Variants in NCOA6 observed in about 807,000 individuals in gnomAD.
The protein encoded by NCOA6 is NRC RAP250.
A neutral mutation model predicts 171.4 loss-of-function variants in NCOA6; 49 were observed. The observed-to-expected ratio is 0.29, with a 90% CI of 0.23 to 0.36. The LOEUF is 0.36. NCOA6 is among the 10% of genes least tolerant of loss of function. NCOA6 has a pLI of 1.00. For missense variants in NCOA6, 2,248 were observed against 2,554.5 expected, an observed-to-expected ratio of 0.88 and a Z score of 2.59; for synonymous variants, 910 against 927.5, an observed-to-expected ratio of 0.98 and a Z score of 0.34.
In NCOA6 at chr20:34,715,266, T is replaced by C. The variant is rs1242137075; in HGVS notation, c.*56A>G. ...GATTTAAAAAAGTCACAGCTCAAAA[T>C]TGCTCTTTGTAAAAGTCACACACAT... On this transcript the variant is annotated 3_prime_UTR_variant, in exon 15 of 15. Transcript: ENST00000359003. The C allele has an allele frequency of 3.7e-6, 6 of 1,611,444 alleles. No individual in the cohort carries two copies. In the African/African-American group the frequency reaches 4.0e-5, roughly 11 times the overall value.
intron 5 of NCOA6, 129 bp downstream of exon 5, chr20:34,768,335 T>C (rs896762305): frequency 4.8e-6 from 6 of 1,248,248 alleles, no homozygotes; most frequent in Non-Finnish European, 5.6e-6. Flanking sequence ...CATGTCTAGC[T>C]TTCCTGATTC....
At chr20:34,753,490 G>A (rs992738828) in intron 8 of NCOA6, among the ~76,000 whole-genome samples, 2 of 151,642 alleles carry the variant, frequency 1.3e-5, no homozygotes, top group Non-Finnish European at 2.9e-5. Flanking sequence ...GTCAAATCCC[G>A]TCTCTACTAA....
In NCOA6 at chr20:34,758,188, CA is replaced by C. The variant is rs1241025692; in HGVS notation, c.644-85del. ...AGTGGCCTTTGTAATTCTGGATATA[CA>C]GAGCAAAATCTGCTGGTACTATTCG... On this transcript the variant is annotated intron_variant, in intron 6 of 14. Transcript: ENST00000359003. 8 of 1,502,502 alleles carry C rather than the reference CA, an allele frequency of 5.3e-6. No homozygotes were observed. In the Admixed American group the frequency reaches 1.8e-4, roughly 33 times the overall value. The allele number at this position is 1,502,502 out of a possible 1,614,324, so 93.1% of individuals were successfully genotyped here.
In NCOA6 at chr20:34,750,107, G is replaced by A. The variant is rs937905853; in HGVS notation, c.2088C>T (p.Asn696=). 4 of 1,614,076 alleles carry A rather than the reference G, an allele frequency of 2.5e-6. No individual in the cohort carries two copies. In the African/African-American group the frequency reaches 5.3e-5, roughly 22 times the overall value. The change falls in exon 9 of 15, where the codon AAC becomes AAT. Residue 696 remains asparagine, a synonymous_variant. Coordinates refer to ENST00000359003, the MANE Select transcript of NCOA6 (RefSeq NM_014071.5). ...QQGPQMMAPH[N]QMMGPQGQVL... ...CCTGCCCCTGAGGCCCCATCATCTG[G>A]TTATGTGGCGCCATCATTTGTGGGC...
intron 14 of NCOA6, among the ~76,000 whole-genome samples, chr20:34,716,064 C>T (rs946601902): frequency 5.3e-5 from 8 of 151,874 alleles, no homozygotes; most frequent in South Asian, 4.2e-4. Flanking sequence ...TAAAAATACA[C>T]GAAAAACTAG....
At chr20:34,770,914 G>A (rs541489868) in intron 4 of NCOA6, among the ~76,000 whole-genome samples, 177 of 152,224 alleles carry the variant, frequency 1.2e-3, no homozygotes, top group African/African-American at 3.9e-3. Context: ...ACAGGCATGA[G>A]CCACCGTGCC....
chr20:34,746,974 T>G (rs2076325563), intron 9 of NCOA6, 46 bp from the exon 10 acceptor site: 1 of 1,448,332 alleles, frequency 6.9e-7, no homozygotes, highest in Non-Finnish European at 9.2e-7. Flanking sequence ...TAGAATAAGT[T>G]GTATAGAAAA....
At chr20:34,783,970 G>A (rs930433498) in intron 2 of NCOA6, among the ~76,000 whole-genome samples, 19 of 147,030 alleles carry the variant, frequency 1.3e-4, no homozygotes, top group African/African-American at 4.5e-4. Flanking sequence ...TTTATTTATG[G>A]CACTTATTTA....
At chr20:34,804,673 A>G (rs1313022852) in intron 1 of NCOA6, among the ~76,000 whole-genome samples, 1 of 152,068 alleles carries the variant, frequency 6.6e-6, no homozygotes, top group African/African-American at 2.4e-5. Context: ...AATATATAAA[A>G]CATGTTACTT....
At chr20:34,796,003 A>ATT (rs569229378) in intron 1 of NCOA6, among the ~76,000 whole-genome samples, 1,150 of 95,656 alleles carry the variant, frequency 0.012, 2 homozygotes, top group East Asian at 0.017. Flanking sequence ...ATATGTTTGA[A>ATT]TTTTTTTTTT....
chr20:34,782,278 C>A lies in NCOA6; in HGVS notation c.78G>T (p.Met26Ile). 1 of 1,612,826 alleles carries A rather than the reference C, an allele frequency of 6.2e-7. No homozygotes were observed. The highest frequency in any genetic ancestry group is 1.1e-5 in the South Asian group (1 of 90,954). The change falls in exon 3 of 15, where the codon ATG (methionine) becomes ATT (isoleucine). Residue 26 changes from methionine (M) to isoleucine (I), a missense_variant. By Grantham distance (10) the Met-to-Ile change is conservative (BLOSUM62 1). Around this residue, in one of 7 missense-constraint regions of NCOA6, gnomAD observed 987 missense variants for 1,104.7 expected, o/e 0.89. Coordinates refer to ENST00000359003, the MANE Select transcript of NCOA6 (RefSeq NM_014071.5). The stretch of plus-strand genomic sequence containing the variant: ...CATCTTCTAGTCCAGAGTCAAAATC[C>A]ATCTCTGAGTCTTCCATTGTTGATG... ...LCSSTMEDSE[M>I]DFDSGLEDDD...
At chr20:34,720,030 A>C (rs1009096231) in intron 14 of NCOA6, among the ~76,000 whole-genome samples, 1 of 152,230 alleles carries the variant, frequency 6.6e-6, no homozygotes, top group African/African-American at 2.4e-5. Context: ...AGGGCTGCTG[A>C]TAATTACAGA....
Position 34,750,056 on chromosome 20 carries a change from T to C in NCOA6, c.2139A>G (p.Ile713Met). Residue 713 changes from isoleucine (I) to methionine (M), a missense_variant, in exon 9 of 15, where the codon ATA (isoleucine) becomes ATG (methionine). Physicochemically the swap from Ile to Met is conservative, Grantham distance 10 (BLOSUM62 1). This residue lies in a region of NCOA6 where 987 missense variants were observed against 1,104.7 expected (regional missense o/e 0.89). Transcript: ENST00000359003. ...GCATTTGATTGGTCATAATCTGCTCTATCATTGGGTTCTGTTGGAGCAAAA... is the reference window on the plus strand; with the variant it reads ...GCATTTGATTGGTCATAATCTGCTCCATCATTGGGTTCTGTTGGAGCAAAA... The part of the protein sequence containing the change: ...GQVLLQQNPM[I>M]EQIMTNQMQG... 1 of 1,614,278 alleles carries C rather than the reference T, an allele frequency of 6.2e-7. No individual in the cohort carries two copies. The highest frequency in any genetic ancestry group is 8.5e-7 in the Non-Finnish European group (1 of 1,180,040).
At chr20:34,815,384 A>G (rs145612924) in intron 1 of NCOA6, among the ~76,000 whole-genome samples, 1 of 151,914 alleles carries the variant, frequency 6.6e-6, no homozygotes, top group East Asian at 1.9e-4. Flanking sequence ...TTTTTTTTTA[A>G]ATAATAATTT....
chr20:34,824,384 T>C (rs1252053871), intron 1 of NCOA6, among the ~76,000 whole-genome samples: 1 of 152,250 alleles, frequency 6.6e-6, no homozygotes, highest in Non-Finnish European at 1.5e-5. Flanking sequence ...CTAAAATCAC[T>C]ACCTGATTTG....
At chr20:34,791,428 C>A (rs551447943) in intron 2 of NCOA6, among the ~76,000 whole-genome samples, 1 of 152,234 alleles carries the variant, frequency 6.6e-6, no homozygotes, top group Non-Finnish European at 1.5e-5. Context: ...CTTGTGGCAA[C>A]AGCTCTACAG....
Position 34,749,872 on chromosome 20 carries a change from T to A in NCOA6, c.2323A>T (p.Asn775Tyr). The A allele has an allele frequency of 6.2e-7, 1 of 1,614,256 alleles. No individual in the cohort carries two copies. The highest frequency in any genetic ancestry group is 8.5e-7 in the Non-Finnish European group (1 of 1,180,044). ...ATGCCCATAACCTGAGATGGACTGT[T>A]GTTCACAGGCCCTTGCTGGGGCAGC... ...QMLPQQGPVNNSPSQVMGIQG... is the reference protein window; with the variant it reads ...QMLPQQGPVNYSPSQVMGIQG... The change falls in exon 9 of 15, where the codon AAC becomes TAC. Residue 775 changes from asparagine to tyrosine, a missense_variant. By Grantham distance (143) the Asn-to-Tyr change is moderately radical (BLOSUM62 -2). Coordinates refer to ENST00000359003, the MANE Select transcript of NCOA6 (RefSeq NM_014071.5).
chr20:34,759,051 C>A, intron 5 of NCOA6, 118 bp from the exon 6 acceptor site: 1 of 1,102,850 alleles, frequency 9.1e-7, no homozygotes. Flanking sequence ...TTGACAGGGT[C>A]TCGCTCTGTT....
At chr20:34,758,955 T>C (rs1167852378) in intron 5 of NCOA6, 22 bp from the exon 6 acceptor site, 11 of 1,612,054 alleles carry the variant, frequency 6.8e-6, no homozygotes, top group South Asian at 4.4e-5. Flanking sequence ...ATCCCTAAAA[T>C]AGAGTACTGG....
Sources: allele counts gnomAD v4.1 joint callset (sites outside exome capture counted in the v4.1 genomes callset), GRCh38; gene constraint gnomAD v4.1.1; regional missense constraint gnomAD v4.1.1; transcripts MANE v1.5; gene names NCBI Gene and HGNC (gene_info 2026-07-23, HGNC 2026-07-21).